The following FSTL5 variants were observed in gnomAD, a reference collection of about 807,000 sequenced individuals.
FSTL5 encodes follistatin-related protein 5.
FSTL5 carries 62 observed loss-of-function variants against 89.1 expected under a neutral mutation model. The ratio of observed to expected loss-of-function variants is 0.70; its 90% CI spans 0.57 to 0.86. The LOEUF (loss-of-function observed/expected upper bound fraction) is 0.86. Ranked by LOEUF, FSTL5 falls within the 40% of genes least tolerant of loss-of-function variation. The probability of loss-of-function intolerance (pLI) is 0.00; values close to 1 mark genes in which losing one functional copy is unlikely to be tolerated. For missense variants in FSTL5, 1,057 were observed against 1,001.6 expected (o/e 1.06, Z -0.75); for synonymous variants, 383 against 346.2 (o/e 1.11, Z -1.18).
intron 5 of FSTL5, among the ~76,000 whole-genome samples, chr4:161,761,587 C>T (rs1740806063): frequency 6.6e-6 from 1 of 152,150 alleles, no homozygotes; most frequent in Non-Finnish European, 1.5e-5. Context: ...TAATACTTTA[C>T]AAACTTAATG....
At chr4:161,860,089 C>A (rs1198276237) in intron 4 of FSTL5, among the ~76,000 whole-genome samples, 1 of 152,068 alleles carries the variant, frequency 6.6e-6, no homozygotes, top group Non-Finnish European at 1.5e-5. Flanking sequence ...GAGATCTAGA[C>A]CATCCTGGCT....
At chr4:161,647,948 C>G (rs1457242070) in intron 7 of FSTL5, among the ~76,000 whole-genome samples, 2 of 152,120 alleles carry the variant, frequency 1.3e-5, no homozygotes, top group African/African-American at 4.8e-5. Flanking sequence ...CACCAGCACA[C>G]TAGCAGCCAC....
chr4:161,997,755 C>T (rs1424305245), intron 3 of FSTL5, among the ~76,000 whole-genome samples: 1 of 151,168 alleles, frequency 6.6e-6, no homozygotes, highest in African/African-American at 2.4e-5. Context: ...AAGGCGCCCG[C>T]CACCACGCCC....
At chr4:161,865,947 T>C (rs1180967360) in intron 4 of FSTL5, among the ~76,000 whole-genome samples, 1 of 152,186 alleles carries the variant, frequency 6.6e-6, no homozygotes, top group Non-Finnish European at 1.5e-5. Context: ...ACACAAAATG[T>C]ACAGGTCACA....
intron 4 of FSTL5, among the ~76,000 whole-genome samples, chr4:161,836,253 A>G (rs549698410): frequency 3.7e-3 from 544 of 146,010 alleles, no homozygotes; most frequent in Non-Finnish European, 6.1e-3. Flanking sequence ...GAATTGAACA[A>G]TGAGAACAGA....
chr4:161,608,363 A>T (rs1046688629), intron 7 of FSTL5, among the ~76,000 whole-genome samples: 1 of 152,108 alleles, frequency 6.6e-6, no homozygotes, highest in Non-Finnish European at 1.5e-5. Flanking sequence ...AATGGTCAAC[A>T]TGTTTTCTTT....
chr4:161,728,950 C>T (rs901963249), intron 6 of FSTL5, among the ~76,000 whole-genome samples: 3 of 152,098 alleles, frequency 2.0e-5, no homozygotes, highest in African/African-American at 7.2e-5. Context: ...CCATATGTAG[C>T]TACCTTATCA....
intron 7 of FSTL5, among the ~76,000 whole-genome samples, chr4:161,654,003 A>G (rs1176062419): frequency 6.6e-6 from 1 of 152,184 alleles, no homozygotes; most frequent in Admixed American, 6.5e-5. Flanking sequence ...CTCAAAATGT[A>G]TCTGTTCTAT....
At chr4:161,981,888 G>A (rs976791321) in intron 3 of FSTL5, among the ~76,000 whole-genome samples, 1 of 151,820 alleles carries the variant, frequency 6.6e-6, no homozygotes, top group Non-Finnish European at 1.5e-5. Context: ...TACAATAATG[G>A]TTAACATAAT....
Position 161,766,918 on chromosome 4 carries a change from A to C in FSTL5, c.607-7387T>G, listed in dbSNP as rs767380828. ...ATAGATGATAGATCGATTGATAGAT[A>C]GATAGATAGATAGATAGATAGATAG... is the stretch of plus-strand genomic sequence containing the variant. On this transcript the variant is annotated intron_variant, in intron 5 of 15. Transcript: ENST00000306100. Among the ~76,000 whole-genome samples the C allele has an allele frequency of 1.2e-3, 135 of 113,004 alleles. 1 individual carries two copies. Among genetic ancestry groups the C allele is most frequent in the African/African-American group, 3.4e-3 (101 of 29,340 alleles). 74.1% of individuals were successfully genotyped at this position (113,004 alleles called of 152,430 possible).
At chr4:161,836,989 A>G (rs1391921901) in intron 4 of FSTL5, among the ~76,000 whole-genome samples, 1 of 152,148 alleles carries the variant, frequency 6.6e-6, no homozygotes, top group Non-Finnish European at 1.5e-5. Context: ...TGAGACATCT[A>G]TGTGCCATCC....
At chr4:161,823,148 T>C (rs1283940113) in intron 4 of FSTL5, among the ~76,000 whole-genome samples, 2 of 152,124 alleles carry the variant, frequency 1.3e-5, no homozygotes, top group African/African-American at 4.8e-5. Context: ...CATAAGTTCT[T>C]ACCTTGGATC....
chr4:161,624,690 T>C (rs1735253962), intron 7 of FSTL5, among the ~76,000 whole-genome samples: 1 of 151,998 alleles, frequency 6.6e-6, no homozygotes. Context: ...AAAAAAATAT[T>C]ATCTACCACT....
intron 6 of FSTL5, among the ~76,000 whole-genome samples, chr4:161,673,564 G>A (rs1458757275): frequency 5.3e-5 from 8 of 151,882 alleles, no homozygotes; most frequent in Non-Finnish European, 1.2e-4. Context: ...GTTATTTTCG[G>A]TTAAGTAGAC....
chr4:162,076,780 C>T (rs547366921), intron 2 of FSTL5, among the ~76,000 whole-genome samples: 4 of 151,752 alleles, frequency 2.6e-5, no homozygotes, highest in Admixed American at 6.6e-5. Flanking sequence ...GGTTCTATAA[C>T]GGCCCTAAAA....
rs191794041 is a variant in FSTL5 at position 162,127,392 on chromosome 4, T to G, written c.-16-15980A>C. On this transcript the variant is annotated intron_variant, in intron 1 of 15. Transcript: ENST00000306100. ...TAAAATTGCTGGTGTACCTGAGGCA[T>G]GCTCACACTATAATTCATCTGTATC... Among the ~76,000 whole-genome samples, 1,061 of 152,344 alleles carry G rather than the reference T, an allele frequency of 7.0e-3. 9 individuals carry two copies. Among genetic ancestry groups the G allele is most frequent in the Non-Finnish European group, 0.011 (740 of 68,032 alleles).
Position 161,459,305 on chromosome 4 carries a change from GT to G in FSTL5, c.1622del (p.Asp541AlafsTer19). On this transcript the variant is annotated frameshift_variant, in exon 14 of 16. Coordinates refer to ENST00000306100, the MANE Select transcript of FSTL5 (RefSeq NM_020116.5). LOFTEE classifies it high-confidence loss of function. The stretch of plus-strand genomic sequence containing the variant: ...CATAGTGTAATTTAACTGGGACAGG[GT>G]CTGTGCTCACTGCCTACAATAAAGA... ...SQKVVQAVSTDPVPVKLHYDK... is the reference protein window; with the variant it reads ...SQKVVQAVSTXPVPVKLHYDK... 6.2e-7 allele frequency: 1 copy of G among 1,611,214 alleles called. No homozygotes were observed. Among genetic ancestry groups the G allele is most frequent in the South Asian group, 1.1e-5 (1 of 90,984 alleles).
intron 3 of FSTL5, among the ~76,000 whole-genome samples, chr4:161,998,584 A>G (rs1397787304): frequency 6.6e-6 from 1 of 152,132 alleles, no homozygotes; most frequent in Non-Finnish European, 1.5e-5. Flanking sequence ...CTATTCCAAC[A>G]ATATTGAATG....
chr4:161,654,437 C>T (rs1210926831), intron 7 of FSTL5, among the ~76,000 whole-genome samples: 1 of 152,040 alleles, frequency 6.6e-6, no homozygotes, highest in Non-Finnish European at 1.5e-5. Context: ...CTGTCAAGGG[C>T]TTTGTCTCTC....
Sources: gnomAD v4.1 joint callset for allele counts (sites outside exome capture counted in the v4.1 genomes callset) on GRCh38, gnomAD v4.1.1 for gene constraint, MANE v1.5 for transcripts, NCBI Gene and HGNC (gene_info 2026-07-23, HGNC 2026-07-21) for gene names.